Variants in CARM1 observed in about 807,000 individuals in gnomAD.
CARM1 encodes the protein histone-arginine methyltransferase CARM1.
In CARM1, 14 loss-of-function variants were observed where a neutral mutation model predicts 72.7. The ratio of observed to expected loss-of-function variants is 0.19; its 90% CI spans 0.13 to 0.30. The LOEUF (loss-of-function observed/expected upper bound fraction) is 0.30, where lower values mean the gene tolerates loss of function less well. CARM1 is among the 10% of genes least tolerant of loss of function. CARM1 has a pLI of 1.00. For missense variants in CARM1, 432 were observed against 833.7 expected, an observed-to-expected ratio of 0.52 and a Z score of 5.93; for synonymous variants, 333 against 345.5, an observed-to-expected ratio of 0.96 and a Z score of 0.40.
At position 10,920,296 on chromosome 19, in the gene CARM1, G is replaced by A; in HGVS notation, c.1197-140G>A. ...ATGTTTGTGTCTGGGACTGCCTGGG[G>A]GCCAGCCTGTCTCTGCTCCAGGGTC... On this transcript the variant is annotated intron_variant, in intron 10 of 15. Coordinates refer to ENST00000327064, the MANE Select transcript of CARM1 (RefSeq NM_199141.2). This position sits in a 1 kb window ranked among gnomAD's most constrained non-coding sequence, Gnocchi z 5.3. 1.0e-6 allele frequency: 1 copy of A among 994,350 alleles called. No homozygotes were observed. Among genetic ancestry groups the A allele is most frequent in the Admixed American group, 2.7e-5 (1 of 36,744 alleles). The allele number at this position is 994,350 out of a possible 1,614,324, so 61.6% of individuals were successfully genotyped here.
rs1171279589 is a variant in CARM1 at position 10,871,617 on chromosome 19, G to T, written c.-86G>T. On this transcript the variant is annotated 5_prime_UTR_variant, in exon 1 of 16. Coordinates refer to ENST00000327064, the MANE Select transcript of CARM1 (RefSeq NM_199141.2). This position sits in a 1 kb window ranked among gnomAD's most constrained non-coding sequence, Gnocchi z 5.6. ...GGCGGCGGCGGCGGCGGCGGCGGCG[G>T]CGGCGGCGGCGGCGGCGGCGGCAGC... 1.3e-5 allele frequency: 2 copies of T among 149,614 alleles called. No individual in the cohort carries two copies. The highest frequency in any genetic ancestry group is 5.7e-5 in the African/African-American group (2 of 35,190). 9.3% of individuals were successfully genotyped at this position (149,614 alleles called of 1,614,324 possible).
chr19:10,919,730 CAG>C (rs558030073), intron 9 of CARM1, 50 bp downstream of exon 9: 254 of 1,568,042 alleles, frequency 1.6e-4, no homozygotes, highest in Non-Finnish European at 2.1e-4. Context: ...GGCCGAAGGT[CAG>C]GGCCACCCCT....
intron 1 of CARM1, among the ~76,000 whole-genome samples, chr19:10,881,827 A>G (rs2073904342): frequency 6.6e-6 from 1 of 152,126 alleles, no homozygotes; most frequent in African/African-American, 2.4e-5. Context: ...AAATTCACCA[A>G]GCGTCTGCTG....
Position 10,920,368 on chromosome 19 carries a change from G to A in CARM1, c.1197-68G>A. The A allele has an allele frequency of 1.3e-6, 2 of 1,552,312 alleles. No homozygotes were observed. Among genetic ancestry groups the A allele is most frequent in the Admixed American group, 1.8e-5 (1 of 55,476 alleles). On this transcript the variant is annotated intron_variant, in intron 10 of 15. Coordinates refer to ENST00000327064, the MANE Select transcript of CARM1 (RefSeq NM_199141.2). The surrounding 1 kb of genome is among the most constrained non-coding windows in gnomAD (Gnocchi z 5.3). ...GGCAGGTGCTTGGGGAGGACTCAAGGCATACAAGGTGGTGGCTCCAGTGGT... is the reference window on the plus strand; with the variant it reads ...GGCAGGTGCTTGGGGAGGACTCAAGACATACAAGGTGGTGGCTCCAGTGGT...
intron 1 of CARM1, among the ~76,000 whole-genome samples, chr19:10,902,111 G>T (rs2074070685): frequency 6.6e-6 from 1 of 151,494 alleles, no homozygotes; most frequent in Admixed American, 6.6e-5. Flanking sequence ...GGACGTGGTG[G>T]TGCACACCTG....
intron 1 of CARM1, among the ~76,000 whole-genome samples, chr19:10,875,694 G>A (rs1286430889): frequency 6.6e-6 from 1 of 151,904 alleles, no homozygotes; most frequent in African/African-American, 2.4e-5. Context: ...AAAGTGCTGG[G>A]ATTACAGGCT....
intron 4 of CARM1, among the ~76,000 whole-genome samples, chr19:10,911,782 G>A (rs1359620395): frequency 1.3e-5 from 2 of 152,190 alleles, no homozygotes; most frequent in Non-Finnish European, 2.9e-5. Flanking sequence ...CAGCCAAGAC[G>A]GGCTGCTTCT....
chr19:10,879,261 G>A (rs1035784245), intron 1 of CARM1, among the ~76,000 whole-genome samples: 2 of 152,212 alleles, frequency 1.3e-5, no homozygotes, highest in Non-Finnish European at 2.9e-5. Context: ...AAAGGTTCCC[G>A]GTAGCTGATG....
In CARM1 at chr19:10,896,879, G is replaced by A. The variant is rs1050053694; in HGVS notation, c.221-8072G>A. ...GAGTGCCTAGTGAGCAGATAGGGAAGTGGGTGGCGAGGATGCTGAGGGTCC... is the reference window on the plus strand; with the variant it reads ...GAGTGCCTAGTGAGCAGATAGGGAAATGGGTGGCGAGGATGCTGAGGGTCC... On this transcript the variant is annotated intron_variant, in intron 1 of 15. Transcript: ENST00000327064. The surrounding 1 kb of genome is among the most constrained non-coding windows in gnomAD (Gnocchi z 5.2). Among the ~76,000 whole-genome samples, 1 of 152,240 alleles carries A rather than the reference G, an allele frequency of 6.6e-6. No homozygotes were observed. Among genetic ancestry groups the A allele is most frequent in the Non-Finnish European group, 1.5e-5 (1 of 68,038 alleles).
intron 9 of CARM1, 74 bp from the exon 10 acceptor site, chr19:10,919,803 C>A: frequency 6.7e-7 from 1 of 1,488,428 alleles, no homozygotes; most frequent in Non-Finnish European, 9.4e-7. Flanking sequence ...CAGGCCTCTG[C>A]ACCTGGCACC....
chr19:10,900,173 G>T (rs1599698329), intron 1 of CARM1, among the ~76,000 whole-genome samples: 1 of 152,284 alleles, frequency 6.6e-6, no homozygotes, highest in East Asian at 1.9e-4. Context: ...TTAGCCAGGG[G>T]TGGTGGCATG....
In CARM1 at chr19:10,871,800, C is replaced by G. The variant is rs987598124; in HGVS notation, c.98C>G (p.Pro33Arg). 4 of 1,233,322 alleles carry G rather than the reference C, an allele frequency of 3.2e-6. No homozygotes were observed. The highest frequency in any genetic ancestry group is 4.1e-6 in the Non-Finnish European group (4 of 981,754). The allele number at this position is 1,233,322 out of a possible 1,614,324, so 76.4% of individuals were successfully genotyped here. A position where few individuals can be genotyped will look rare whatever the true frequency, so the allele number is the denominator to read the frequency against. The change falls in exon 1 of 16, where the codon CCC becomes CGC. Residue 33 changes from proline to arginine, a missense_variant. Pro to Arg is a moderately radical substitution (Grantham distance 103, BLOSUM62 -2). This residue lies in a region of CARM1 where 138 missense variants were observed against 192.3 expected (regional missense o/e 0.72). Coordinates refer to ENST00000327064, the MANE Select transcript of CARM1 (RefSeq NM_199141.2). This position sits in a 1 kb window ranked among gnomAD's most constrained non-coding sequence, Gnocchi z 5.6. ...AGPCATVSVFPGARLLTIGDA... is the reference protein window; with the variant it reads ...AGPCATVSVFRGARLLTIGDA... ...CCCTGCGCTACCGTGTCGGTGTTCC[C>G]CGGCGCCCGCCTCCTCACCATCGGC... is the stretch of plus-strand genomic sequence containing the variant.
At chr19:10,899,921 A>G (rs924862711) in intron 1 of CARM1, among the ~76,000 whole-genome samples, 4 of 152,128 alleles carry the variant, frequency 2.6e-5, no homozygotes, top group African/African-American at 9.6e-5. Flanking sequence ...GGGTTTTGCC[A>G]TGTTGGACAG....
At chr19:10,919,356 A>G (rs1327903611) in intron 8 of CARM1, 2 of 507,774 alleles carry the variant, frequency 3.9e-6, no homozygotes, top group African/African-American at 3.8e-5. Context: ...TCTGGAGGTT[A>G]AACTCCTGTA....
In CARM1 at chr19:10,919,651, C is replaced by T. The variant is rs2074224252; in HGVS notation, c.1077C>T (p.Phe359=). Residue 359 remains phenylalanine, a synonymous_variant, in exon 9 of 16, where the codon TTC becomes TTT. Transcript: ENST00000327064. ...MAKSVKYTVN[F]LEAKEGDLHR... ...AGTCTGTCAAGTACACGGTGAACTT[C>T]TTAGAAGCCAAAGAAGGAGATTTGC... 1 of 1,613,962 alleles carries T rather than the reference C, an allele frequency of 6.2e-7. No homozygotes were observed. Among genetic ancestry groups the T allele is most frequent in the Admixed American group, 1.7e-5 (1 of 60,006 alleles).
At position 10,920,684 on chromosome 19, in the gene CARM1, G is replaced by T; in HGVS notation, c.1360G>T (p.Ala454Ser). 1 of 1,614,160 alleles carries T rather than the reference G, an allele frequency of 6.2e-7. No individual in the cohort carries two copies. The highest frequency in any genetic ancestry group is 1.7e-5 in the Admixed American group (1 of 60,018). ...ACAGAGCTACGACATCAGTATTGTG[G>T]CCCAGGTGGACCAGACCGGCTCCAA... ...KRQSYDISIV[A>S]QVDQTGSKSS... The change falls in exon 12 of 16, where the codon GCC (alanine) becomes TCC (serine). Residue 454 changes from alanine (A) to serine (S), a missense_variant. Coordinates refer to ENST00000327064, the MANE Select transcript of CARM1 (RefSeq NM_199141.2). This position sits in a 1 kb window ranked among gnomAD's most constrained non-coding sequence, Gnocchi z 5.3.
At chr19:10,897,902 G>A (rs184301310) in intron 1 of CARM1, among the ~76,000 whole-genome samples, 2,419 of 152,018 alleles carry the variant, frequency 0.016, 32 homozygotes, top group Middle Eastern at 0.024. Context: ...TCAGGAGATC[G>A]AGACCATCCT....
intron 1 of CARM1, among the ~76,000 whole-genome samples, chr19:10,889,371 A>G (rs2073964771): frequency 6.6e-6 from 1 of 151,314 alleles, no homozygotes; most frequent in African/African-American, 2.4e-5. Context: ...CTGGAGTGCA[A>G]TGGTGCAATC....
At chr19:10,914,767 G>A (rs570374872) in intron 6 of CARM1, among the ~76,000 whole-genome samples, 2 of 152,312 alleles carry the variant, frequency 1.3e-5, no homozygotes, top group East Asian at 3.9e-4. Context: ...TGTTGGTCAG[G>A]CTGGTCACGA....
Sources: allele counts gnomAD v4.1 joint callset (sites outside exome capture counted in the v4.1 genomes callset), GRCh38; gene constraint gnomAD v4.1.1; regional missense constraint gnomAD v4.1.1; non-coding constraint Gnocchi (gnomAD v3.1); transcripts MANE v1.5; gene names NCBI Gene and HGNC (gene_info 2026-07-23, HGNC 2026-07-21).